AK4: variants seen among roughly 807,000 people sequenced by gnomAD.
AK4 encodes the protein adenylate kinase 4, mitochondrial.
Under a neutral mutation model 24.6 loss-of-function variants are expected in AK4, and 13 were observed. The observed-to-expected ratio is 0.53, with a 90% CI of 0.34 to 0.84. The LOEUF is 0.84. AK4 is among the 40% of genes least tolerant of loss of function. AK4 has a pLI of 0.01. For missense variants in AK4, 192 were observed against 288.2 expected (o/e 0.67, Z 2.42); for synonymous variants, 88 against 107.0 (o/e 0.82, Z 1.10).
At chr1:65,189,529 C>T (rs1485331659) in intron 1 of AK4, among the ~76,000 whole-genome samples, 2 of 152,060 alleles carry the variant, frequency 1.3e-5, no homozygotes, top group South Asian at 2.1e-4. Context: ...CTGCCTGCCT[C>T]GGCTTCCCAA....
At chr1:65,215,270 T>A (rs1652097781) in intron 2 of AK4, among the ~76,000 whole-genome samples, 1 of 151,880 alleles carries the variant, frequency 6.6e-6, no homozygotes, top group African/African-American at 2.4e-5. Flanking sequence ...CTCCCGGGTT[T>A]CATTGATTCT....
intron 1 of AK4, among the ~76,000 whole-genome samples, chr1:65,174,582 A>T (rs1650649026): frequency 6.6e-6 from 1 of 152,232 alleles, no homozygotes; most frequent in Admixed American, 6.5e-5. Flanking sequence ...ACTGAGCTCA[A>T]CAAGACCTGC....
chr1:65,151,206 A>G (rs1053946541), intron 1 of AK4, among the ~76,000 whole-genome samples: 4 of 151,944 alleles, frequency 2.6e-5, no homozygotes, highest in African/African-American at 9.7e-5. Flanking sequence ...ACCTTAGATG[A>G]TCCACCCGTC....
At chr1:65,201,099 A>G (rs1026441213) in intron 2 of AK4, among the ~76,000 whole-genome samples, 2 of 152,134 alleles carry the variant, frequency 1.3e-5, no homozygotes, top group East Asian at 3.9e-4. Context: ...GCCAGTTTTC[A>G]GCTTTTTTGC....
chr1:65,176,908 C>T (rs1650734441), intron 1 of AK4, among the ~76,000 whole-genome samples: 1 of 152,086 alleles, frequency 6.6e-6, no homozygotes, highest in South Asian at 2.1e-4. Flanking sequence ...AAGGTATTGT[C>T]CCTTGATAAA....
At chr1:65,148,668 C>T (rs911484409) in intron 1 of AK4, 116 bp downstream of exon 1, 2 of 1,350,296 alleles carry the variant, frequency 1.5e-6, no homozygotes, top group Admixed American at 3.4e-5. Context: ...TGTGGTCGTG[C>T]AGGCTCGTAC....
At chr1:65,216,383 C>G (rs1652131814) in intron 2 of AK4, among the ~76,000 whole-genome samples, 1 of 152,124 alleles carries the variant, frequency 6.6e-6, no homozygotes, top group East Asian at 1.9e-4. Context: ...CTGGGCTTCC[C>G]AAAGTGCTGG....
chr1:65,171,250 G>A (rs532604166), intron 1 of AK4, among the ~76,000 whole-genome samples: 32 of 139,580 alleles, frequency 2.3e-4, no homozygotes, highest in African/African-American at 8.9e-4. Flanking sequence ...CATAATTATA[G>A]GCCTTTTTTT....
chr1:65,189,101 T>A (rs1019546575), intron 1 of AK4, among the ~76,000 whole-genome samples: 1 of 151,474 alleles, frequency 6.6e-6, no homozygotes, highest in African/African-American at 2.4e-5. Flanking sequence ...ACTCAGCTAA[T>A]TTTTGTATTT....
In AK4 at chr1:65,216,569, G is replaced by A. The variant is rs780234373; in HGVS notation, c.266-2185G>A. ...AAATGCTTTTCATTGATGTGGCAGA[G>A]GTTTGCGGGGAAAGAGTTTATAGAT... is the stretch of plus-strand genomic sequence containing the variant. On this transcript the variant is annotated intron_variant, in intron 2 of 4. Transcript: ENST00000327299. Among the ~76,000 whole-genome samples the A allele has an allele frequency of 1.0e-4, 13 of 124,156 alleles. 4 individuals carry two copies. Among genetic ancestry groups the A allele is most frequent in the African/African-American group, 6.1e-4 (11 of 18,116 alleles). The allele number at this position is 124,156 out of a possible 152,430, so 81.5% of individuals were successfully genotyped here.
chr1:65,170,387 C>CACAAA (rs1553122799), intron 1 of AK4, among the ~76,000 whole-genome samples: 2 of 146,984 alleles, frequency 1.4e-5, no homozygotes, highest in Admixed American at 1.3e-4. Flanking sequence ...CACACACACA[C>CACAAA]AAAAAAAATC....
At chr1:65,214,121 GTT>G (rs1652052212) in intron 2 of AK4, among the ~76,000 whole-genome samples, 1 of 152,040 alleles carries the variant, frequency 6.6e-6, no homozygotes, top group African/African-American at 2.4e-5. Context: ...TTGTTTGTTT[GTT>G]TGTTTTGAGA....
At chr1:65,186,848 A>G (rs148816525) in intron 1 of AK4, among the ~76,000 whole-genome samples, 3 of 152,304 alleles carry the variant, frequency 2.0e-5, no homozygotes, top group East Asian at 1.9e-4. Flanking sequence ...ATACACTCAC[A>G]CAATGTATAT....
At chr1:65,158,151 A>C (rs895422209) in intron 1 of AK4, among the ~76,000 whole-genome samples, 2 of 152,138 alleles carry the variant, frequency 1.3e-5, no homozygotes, top group Admixed American at 1.3e-4. Context: ...CTTGCCTTTA[A>C]GATATACATA....
intron 2 of AK4, among the ~76,000 whole-genome samples, chr1:65,203,849 TAATGTAAAACAAAAC>T (rs1570124286): frequency 1.3e-5 from 2 of 152,128 alleles, no homozygotes; most frequent in East Asian, 3.9e-4. Context: ...CCTTGTGTAG[TAATGTAAAACAAAAC>T]AATGTAAAAC....
At chr1:65,208,213 C>T (rs766437599) in intron 2 of AK4, among the ~76,000 whole-genome samples, 1 of 151,972 alleles carries the variant, frequency 6.6e-6, no homozygotes, top group African/African-American at 2.4e-5. Context: ...TTTACTTTTT[C>T]GTAGTAGGAC....
At chr1:65,173,336 G>A (rs887709276) in intron 1 of AK4, among the ~76,000 whole-genome samples, 3 of 152,152 alleles carry the variant, frequency 2.0e-5, no homozygotes, top group Non-Finnish European at 4.4e-5. Flanking sequence ...TTAACATACA[G>A]CAGATCAGCT....
In AK4 at chr1:65,224,763, C is replaced by T. The variant is rs34248479; in HGVS notation, c.450C>T (p.Asp150=). ...TTTGGTATTTGTAGGGTATTGATGA[C>T]GTCACTGGTGAACCGTTAGTCCAGC... The part of the protein sequence containing the change: ...FNPPHVHGID[D]VTGEPLVQQE... Residue 150 remains aspartate, a synonymous_variant, in exon 4 of 5, where the codon GAC becomes GAT. Coordinates refer to ENST00000327299, the MANE Select transcript of AK4 (RefSeq NM_013410.4). 7.6e-3 allele frequency: 12,317 copies of T among 1,612,086 alleles called. 791 individuals are homozygous for T. The African/African-American group carries it at 0.14, about 19-fold the overall frequency.
intron 1 of AK4, among the ~76,000 whole-genome samples, chr1:65,156,228 G>A (rs1649980078): frequency 6.6e-6 from 1 of 152,146 alleles, no homozygotes; most frequent in Non-Finnish European, 1.5e-5. Context: ...AAAGTTTCAT[G>A]CCTATCCCTG....
Sources: allele counts gnomAD v4.1 joint callset (sites outside exome capture counted in the v4.1 genomes callset), GRCh38; gene constraint gnomAD v4.1.1; transcripts MANE v1.5; gene names NCBI Gene and HGNC (gene_info 2026-07-23, HGNC 2026-07-21).